SLC9B2: variants seen among roughly 807,000 people sequenced by gnomAD.
SLC9B2 encodes solute carrier family 9 member B2.
SLC9B2 carries 39 observed loss-of-function variants against 52.2 expected under a neutral mutation model. That is an observed-to-expected ratio of 0.75 (90% CI 0.58 to 0.98). The LOEUF (loss-of-function observed/expected upper bound fraction) is 0.98. Ranked by LOEUF, SLC9B2 falls within the 50% of genes least tolerant of loss-of-function variation. SLC9B2 has a pLI of 0.00. For synonymous variants in SLC9B2, 214 were observed against 227.0 expected, an observed-to-expected ratio of 0.94 and a Z score of 0.51; for missense variants, 626 against 637.5, an observed-to-expected ratio of 0.98 and a Z score of 0.19.
chr4:103,047,608 T>G (rs945491567), intron 6 of SLC9B2, among the ~76,000 whole-genome samples: 11 of 140,856 alleles, frequency 7.8e-5, no homozygotes, highest in Non-Finnish European at 1.4e-4. Flanking sequence ...TGTGTTCTCA[T>G]TGTTCATTTC....
At chr4:103,036,199 A>G (rs1468620406) in intron 9 of SLC9B2, among the ~76,000 whole-genome samples, 2 of 152,234 alleles carry the variant, frequency 1.3e-5, no homozygotes, top group Admixed American at 1.3e-4. Context: ...AGTCATAAAA[A>G]ATAATGAAAT....
downstream of SLC9B2, among the ~76,000 whole-genome samples, chr4:103,020,994 T>G (rs1269955328): frequency 6.6e-6 from 1 of 152,208 alleles, no homozygotes; most frequent in African/African-American, 2.4e-5. Context: ...AGGATTTATT[T>G]TTCTTCCTCG....
intron 8 of SLC9B2, 137 bp downstream of exon 8, chr4:103,044,753 G>C: frequency 1.4e-6 from 1 of 713,578 alleles, no homozygotes; most frequent in East Asian, 2.5e-5. Flanking sequence ...AAATCTCATG[G>C]ATAGCAGTAA....
rs150015114 is a variant in SLC9B2, at chr4:103,035,827, C to T, written c.1147-4019G>A. On this transcript the variant is annotated intron_variant, in intron 9 of 11. Coordinates refer to ENST00000394785, the MANE Select transcript of SLC9B2 (RefSeq NM_178833.7). ...TACCATTAAGACACATGAACGTGTA[C>T]GTTCATTAAAGTGTTATTCACAATA... Among the ~76,000 whole-genome samples, 802 of 152,192 alleles carry T rather than the reference C, an allele frequency of 5.3e-3. 26 individuals carry two copies. The highest frequency in any genetic ancestry group is 0.05 in the Admixed American group (762 of 15,274).
intron 1 of SLC9B2, among the ~76,000 whole-genome samples, chr4:103,069,736 T>C (rs1746453497): frequency 1.3e-5 from 2 of 152,218 alleles, no homozygotes; most frequent in South Asian, 2.1e-4. Context: ...CCCTTCTCAT[T>C]AGGAGAATTA....
rs1741996215 is a variant in SLC9B2 at position 103,024,038 on chromosome 4, C to G, written c.*2332G>C. ...CCCTACTTTCTCTGGGAAGCTGTGC[C>G]TAAACTCCACCACCCTTGGATTGAT... On this transcript the variant is annotated 3_prime_UTR_variant, in exon 12 of 12. Transcript: ENST00000394785. Among the ~76,000 whole-genome samples the G allele has an allele frequency of 6.6e-6, 1 of 152,138 alleles. No homozygotes were observed. Among genetic ancestry groups the G allele is most frequent in the Non-Finnish European group, 1.5e-5 (1 of 68,014 alleles).
intron 7 of SLC9B2, among the ~76,000 whole-genome samples, chr4:103,046,669 A>G (rs1166671574): frequency 6.7e-6 from 1 of 148,608 alleles, no homozygotes; most frequent in African/African-American, 2.5e-5. Context: ...TGAAGTCTCC[A>G]CACATCTTTT....
chr4:103,047,834 C>T (rs1744308676), intron 6 of SLC9B2, among the ~76,000 whole-genome samples: 2 of 152,028 alleles, frequency 1.3e-5, no homozygotes, highest in Non-Finnish European at 2.9e-5. Flanking sequence ...AAGCATGAAT[C>T]CAGAAAAACA....
Position 103,043,625 on chromosome 4 carries a change from A to C in SLC9B2, c.997-180T>G, listed in dbSNP as rs544815601. Among the ~76,000 whole-genome samples, 3 of 152,366 alleles carry C rather than the reference A, an allele frequency of 2.0e-5. No individual in the cohort carries two copies. The South Asian group carries it at 6.2e-4, about 32-fold the overall frequency. The stretch of plus-strand genomic sequence containing the variant: ...TCTTAAACAAAAGCAGAGTTAGCAC[A>C]CTGCAATGGTGAGCTCTTCTTTCAG... On this transcript the variant is annotated intron_variant, in intron 8 of 11. Coordinates refer to ENST00000394785, the MANE Select transcript of SLC9B2 (RefSeq NM_178833.7).
chr4:103,067,713 C>T (rs757745375), intron 1 of SLC9B2, 121 bp from the exon 2 acceptor site: 1 of 603,208 alleles, frequency 1.7e-6, no homozygotes, highest in Non-Finnish European at 2.9e-6. Flanking sequence ...TGAAATTAGA[C>T]TATTCTTAAT....
chr4:103,046,251 T>C (rs541411155), intron 7 of SLC9B2, among the ~76,000 whole-genome samples: 1 of 152,354 alleles, frequency 6.6e-6, no homozygotes, highest in African/African-American at 2.4e-5. Context: ...TTATACTTTG[T>C]CAATCATATA....
At chr4:103,037,996 G>A (rs1578446762) in intron 9 of SLC9B2, among the ~76,000 whole-genome samples, 1 of 151,760 alleles carries the variant, frequency 6.6e-6, no homozygotes, top group African/African-American at 2.4e-5. Context: ...GAGTAGGCTG[G>A]GACTACAGGT....
At chr4:103,028,967 CA>C in intron 10 of SLC9B2, 84 bp from the exon 11 acceptor site, 1 of 1,139,758 alleles carries the variant, frequency 8.8e-7, no homozygotes, top group Non-Finnish European at 1.2e-6. Context: ...AAATAACCAT[CA>C]ACAGAAATAA....
intron 9 of SLC9B2, among the ~76,000 whole-genome samples, chr4:103,036,537 G>A (rs1480380912): frequency 2.7e-5 from 4 of 150,478 alleles, no homozygotes; most frequent in Non-Finnish European, 3.0e-5. Flanking sequence ...AAAAAAAAAA[G>A]AAACATGGGC....
chr4:103,030,230 C>G (rs915916773), intron 10 of SLC9B2, among the ~76,000 whole-genome samples: 1 of 152,008 alleles, frequency 6.6e-6, no homozygotes, highest in Non-Finnish European at 1.5e-5. Context: ...GTTGATGTCA[C>G]TAGTATAGAT....
intron 4 of SLC9B2, among the ~76,000 whole-genome samples, chr4:103,051,414 C>T (rs1287072517): frequency 6.6e-6 from 1 of 152,130 alleles, no homozygotes; most frequent in Non-Finnish European, 1.5e-5. Context: ...TTTTGTGATG[C>T]AAGATGGGAG....
intron 9 of SLC9B2, among the ~76,000 whole-genome samples, 183 bp downstream of exon 9, chr4:103,043,113 A>C (rs375040153): frequency 6.6e-6 from 1 of 152,214 alleles, no homozygotes; most frequent in African/African-American, 2.4e-5. Context: ...AAAGACATCA[A>C]GTTATAGATT....
chr4:103,070,516 C>G (rs1005863615), intron 1 of SLC9B2, among the ~76,000 whole-genome samples: 2 of 152,262 alleles, frequency 1.3e-5, no homozygotes, highest in African/African-American at 4.8e-5. Context: ...TCCTAGCTCA[C>G]TGCAACCTCC....
At chr4:103,029,455 G>A (rs948632424) in intron 10 of SLC9B2, among the ~76,000 whole-genome samples, 2 of 152,116 alleles carry the variant, frequency 1.3e-5, no homozygotes, top group Non-Finnish European at 2.9e-5. Flanking sequence ...TTATGAGCCA[G>A]TATGGAGGGA....
Sources: gnomAD v4.1 joint callset for allele counts (sites outside exome capture counted in the v4.1 genomes callset) on GRCh38, gnomAD v4.1.1 for gene constraint, MANE v1.5 for transcripts, NCBI Gene and HGNC (gene_info 2026-07-23, HGNC 2026-07-21) for gene names.